CRY1: variants seen among roughly 807,000 people sequenced by gnomAD.
The protein encoded by CRY1 is cryptochrome circadian regulator 1, also known as cryptochrome-1.
A neutral mutation model predicts 76.0 loss-of-function variants in CRY1; 45 were observed. The ratio of observed to expected loss-of-function variants is 0.59; its 90% CI spans 0.47 to 0.76. The LOEUF is 0.76. Among genes scored for constraint, CRY1 ranks in the 30% least tolerant of loss-of-function variants. The pLI is 0.00. For synonymous variants in CRY1, 248 were observed against 244.0 expected (o/e 1.02, Z -0.15); for missense variants, 587 against 716.4 (o/e 0.82, Z 2.06).
At chr12:107,032,990 T>G (rs1952695740) in intron 1 of CRY1, among the ~76,000 whole-genome samples, 1 of 151,648 alleles carries the variant, frequency 6.6e-6, no homozygotes, top group Non-Finnish European at 1.5e-5. Flanking sequence ...GAAGAGACAA[T>G]AATATAAATG....
chr12:107,073,424 A>T (rs190787488), intron 1 of CRY1, among the ~76,000 whole-genome samples: 160 of 152,226 alleles, frequency 1.1e-3, no homozygotes, highest in African/African-American at 3.7e-3. Context: ...AAAAATCATA[A>T]TCATAAAGAC....
chr12:107,006,638 C>CGTTTT lies in CRY1; in HGVS notation c.268-1391_268-1390insAAAAC, dbSNP rs71076707. ...CTTGCCAATAATATGTATTAGTAAT[C>CGTTTT]TTTTTTTTTTTTTTTTTTAGATGAC... On this transcript the variant is annotated intron_variant, in intron 2 of 12. Coordinates refer to ENST00000008527, the MANE Select transcript of CRY1 (RefSeq NM_004075.5). 5.5e-4 allele frequency among the ~76,000 whole-genome samples: 76 copies of CGTTTT among 137,074 alleles called. 5 individuals are homozygous for CGTTTT. The highest frequency in any genetic ancestry group is 4.9e-4 in the Non-Finnish European group (32 of 65,204). 89.9% of individuals were successfully genotyped at this position (137,074 alleles called of 152,430 possible).
chr12:107,050,236 T>G, intron 1 of CRY1: 1 of 148,570 alleles, frequency 6.7e-6, no homozygotes, highest in Admixed American at 6.7e-5. Context: ...GGGAGGGAAG[T>G]TTGGAAGAAG....
At chr12:107,005,069 C>T (rs777525903) in intron 3 of CRY1, 37 bp downstream of exon 3, 37 of 1,574,308 alleles carry the variant, frequency 2.4e-5, no homozygotes, top group East Asian at 1.8e-4. Flanking sequence ...TTATGTTATA[C>T]GCATTTTCCC....
chr12:107,021,173 C>T (rs1250096011), intron 2 of CRY1, among the ~76,000 whole-genome samples: 2 of 152,146 alleles, frequency 1.3e-5, no homozygotes, highest in African/African-American at 2.4e-5. Context: ...ATCCCAGCTA[C>T]TCAGGAAGCT....
chr12:106,999,451 C>T (rs1439680536), intron 7 of CRY1, 100 bp downstream of exon 7: 7 of 1,124,934 alleles, frequency 6.2e-6, no homozygotes, highest in African/African-American at 3.1e-5. Context: ...TGAAAAACTA[C>T]ACCATAAATG....
At chr12:107,042,442 T>C (rs191561902) in intron 1 of CRY1, among the ~76,000 whole-genome samples, 233 of 152,250 alleles carry the variant, frequency 1.5e-3, no homozygotes, top group African/African-American at 5.1e-3. Flanking sequence ...TAACAAGACA[T>C]ACCGATACCA....
At chr12:107,085,661 G>A (rs937136247) in intron 1 of CRY1, among the ~76,000 whole-genome samples, 5 of 152,070 alleles carry the variant, frequency 3.3e-5, no homozygotes, top group African/African-American at 1.2e-4. Flanking sequence ...GGCCTGCCAG[G>A]GGTTGAGGGG....
chr12:107,055,230 G>A (rs774537406), intron 1 of CRY1, among the ~76,000 whole-genome samples: 2 of 151,836 alleles, frequency 1.3e-5, no homozygotes, highest in Non-Finnish European at 2.9e-5. Flanking sequence ...AATTAATACT[G>A]AAAAGACAAT....
chr12:107,064,294 T>A (rs1157084568), intron 1 of CRY1, among the ~76,000 whole-genome samples: 1 of 152,092 alleles, frequency 6.6e-6, no homozygotes, highest in Non-Finnish European at 1.5e-5. Context: ...AATAAAAAAT[T>A]AGCAAAAGAT....
intron 1 of CRY1, among the ~76,000 whole-genome samples, chr12:107,033,192 T>C (rs1198492229): frequency 6.6e-6 from 1 of 152,088 alleles, no homozygotes; most frequent in Non-Finnish European, 1.5e-5. Context: ...ACTTAAAACT[T>C]ACCAAAATGG....
rs369901522 is a variant in CRY1, at chr12:107,014,963, C to T, written c.267+7121G>A. On this transcript the variant is annotated intron_variant, in intron 2 of 12. Coordinates refer to ENST00000008527, the MANE Select transcript of CRY1 (RefSeq NM_004075.5). ...TGCAATCTCAGCTCACTGCAACCTCCGCCTCCTGGGTTCAAGTGTTTCTCC... is the reference window on the plus strand; with the variant it reads ...TGCAATCTCAGCTCACTGCAACCTCTGCCTCCTGGGTTCAAGTGTTTCTCC... Among the ~76,000 whole-genome samples the T allele has an allele frequency of 1.5e-4, 23 of 152,094 alleles. No individual in the cohort carries two copies. The East Asian group carries it at 1.9e-3, about 13-fold the overall frequency.
chr12:107,077,711 T>C (rs1008202798), intron 1 of CRY1, among the ~76,000 whole-genome samples: 3 of 152,198 alleles, frequency 2.0e-5, no homozygotes, highest in Non-Finnish European at 4.4e-5. Flanking sequence ...AGTCTAGTTA[T>C]CTAACCAAAA....
At chr12:107,039,679 A>G (rs1314103521) in intron 1 of CRY1, among the ~76,000 whole-genome samples, 2 of 152,236 alleles carry the variant, frequency 1.3e-5, no homozygotes, top group Non-Finnish European at 2.9e-5. Flanking sequence ...TGGCAAGGAT[A>G]TGGAGAAACT....
At chr12:107,049,519 C>A (rs1952892242) in intron 1 of CRY1, among the ~76,000 whole-genome samples, 1 of 152,066 alleles carries the variant, frequency 6.6e-6, no homozygotes, top group Admixed American at 6.6e-5. Flanking sequence ...GGACTACAGG[C>A]ACGTGCCACC....
chr12:107,049,034 T>G (rs1174210848), intron 1 of CRY1, among the ~76,000 whole-genome samples: 1 of 152,250 alleles, frequency 6.6e-6, no homozygotes, highest in Non-Finnish European at 1.5e-5. Context: ...TTCTAAAATA[T>G]GATCTAACAC....
intron 3 of CRY1, among the ~76,000 whole-genome samples, chr12:107,004,248 T>C (rs1430148232): frequency 2.0e-5 from 3 of 152,194 alleles, no homozygotes; most frequent in African/African-American, 7.2e-5. Flanking sequence ...GATATATGAA[T>C]TCTAGCTTAG....
chr12:107,029,050 T>A (rs1952648007), intron 1 of CRY1, among the ~76,000 whole-genome samples: 1 of 152,222 alleles, frequency 6.6e-6, no homozygotes, highest in African/African-American at 2.4e-5. Context: ...AATTTATGTG[T>A]AACTCAGAAA....
intron 1 of CRY1, among the ~76,000 whole-genome samples, chr12:107,052,450 C>A (rs1293647449): frequency 6.6e-6 from 1 of 152,024 alleles, no homozygotes; most frequent in Admixed American, 6.5e-5. Flanking sequence ...AGTCAAACTT[C>A]CTACAATTTG....
Sources: allele counts gnomAD v4.1 joint callset (sites outside exome capture counted in the v4.1 genomes callset), GRCh38; gene constraint gnomAD v4.1.1; transcripts MANE v1.5; gene names NCBI Gene and HGNC (gene_info 2026-07-23, HGNC 2026-07-21).